Variants in HSF1 observed in about 807,000 individuals in gnomAD.
HSF1 encodes heat shock transcription factor 1.
A neutral mutation model predicts 51.7 loss-of-function variants in HSF1; 32 were observed. That is an observed-to-expected ratio of 0.62 (90% confidence interval 0.47 to 0.83). The LOEUF (loss-of-function observed/expected upper bound fraction) is 0.83. Ranked by LOEUF, HSF1 falls within the 40% of genes least tolerant of loss-of-function variation. The pLI, the probability that HSF1 is intolerant of heterozygous loss-of-function variation, is 0.00. For synonymous variants in HSF1, 396 were observed against 309.7 expected, an observed-to-expected ratio of 1.28 and a Z score of -2.92; for missense variants, 727 against 717.0, an observed-to-expected ratio of 1.01 and a Z score of -0.16.
At position 144,291,850 on chromosome 8, in the gene HSF1, C is replaced by T. The variant is rs782261121; in HGVS notation, c.93C>T (p.Thr31=). ...KLWTLVSDPD[T]DALICWSPSG... ...GGACCCTCGTGAGCGACCCGGACACCGACGCGCTCATCTGCTGGAGCCCGG... is the reference window on the plus strand; with the variant it reads ...GGACCCTCGTGAGCGACCCGGACACTGACGCGCTCATCTGCTGGAGCCCGG... Residue 31 remains threonine (T), a synonymous_variant, in exon 1 of 13, where the codon ACC becomes ACT. Transcript: ENST00000528838. The surrounding 1 kb of genome is among the most constrained non-coding windows in gnomAD (Gnocchi z 4.1). The T allele has an allele frequency of 2.6e-6, 4 of 1,545,652 alleles. No individual in the cohort carries two copies. In the South Asian group the frequency reaches 4.7e-5, roughly 18 times the overall value.
In HSF1 at chr8:144,313,584, G is replaced by A. The variant is rs372062206; in HGVS notation, c.1216G>A (p.Gly406Ser). 1.7e-5 allele frequency: 28 copies of A among 1,610,318 alleles called. No individual in the cohort carries two copies. Among genetic ancestry groups the A allele is most frequent in the African/African-American group, 9.4e-5 (7 of 74,734 alleles). ...DNLQTMLSSH[G>S]FSVDTSALLD... ...CCTGCAGACCATGCTGAGCAGCCAC[G>A]GCTTCAGCGTGGACACCAGTGCCCT... The change falls in exon 10 of 13, where the codon GGC (glycine) becomes AGC (serine). Residue 406 changes from glycine to serine, a missense_variant. Physicochemically the swap from Gly to Ser is moderately conservative, Grantham distance 56. This residue lies in a region of HSF1 where 470 missense variants were observed against 398.8 expected (regional missense o/e 1.18). Coordinates refer to ENST00000528838, the MANE Select transcript of HSF1 (RefSeq NM_005526.4).
In HSF1 at chr8:144,311,177, G is replaced by A. The variant is rs782615937; in HGVS notation, c.492G>A (p.Glu164=). ...GACCCAGCCTGGTCTGTTGCAGTGA[G>A]AATGAGGCTCTGTGGCGGGAGGTGG... The part of the protein sequence containing the change: ...MDSKLLAMKH[E]NEALWREVAS... Residue 164 remains glutamate, a synonymous_variant, in exon 5 of 13, where the codon GAG becomes GAA. Transcript: ENST00000528838. 5.0e-6 allele frequency: 8 copies of A among 1,601,746 alleles called. No homozygotes were observed. Among genetic ancestry groups the A allele is most frequent in the Non-Finnish European group, 6.8e-6 (8 of 1,174,674 alleles).
At chr8:144,312,382 G>T (rs975368741) in intron 9 of HSF1, 138 bp downstream of exon 9, 2 of 737,230 alleles carry the variant, frequency 2.7e-6, no homozygotes, top group Non-Finnish European at 4.4e-6. Flanking sequence ...CTCGGGGCTG[G>T]GGAGGGAGAC....
At chr8:144,294,711 A>C (rs1363494783) in intron 1 of HSF1, among the ~76,000 whole-genome samples, 3 of 152,162 alleles carry the variant, frequency 2.0e-5, no homozygotes, top group Non-Finnish European at 4.4e-5. Flanking sequence ...AGGAGACCCC[A>C]TTGGTGGGGA....
Position 144,314,212 on chromosome 8 carries a change from T to C in HSF1, c.1472T>C (p.Leu491Pro). ...VDTGSNDLPV[L>P]FELGEGSYFS... Reference sequence around the variant, plus strand: ...ACCGGGAGCAACGACCTGCCGGTGCTGTTTGAGCTGGGAGAGGGCTCCTAC... The same window carrying C: ...ACCGGGAGCAACGACCTGCCGGTGCCGTTTGAGCTGGGAGAGGGCTCCTAC... The change falls in exon 13 of 13, where the codon CTG becomes CCG. Residue 491 changes from leucine (L) to proline (P), a missense_variant. Leu to Pro is a moderately conservative substitution (Grantham distance 98). Around this residue, in one of 2 missense-constraint regions of HSF1, gnomAD observed 470 missense variants for 398.8 expected, o/e 1.18. Transcript: ENST00000528838. The C allele has an allele frequency of 1.9e-6, 3 of 1,549,962 alleles. No individual in the cohort carries two copies. Among genetic ancestry groups the C allele is most frequent in the Non-Finnish European group, 2.6e-6 (3 of 1,146,876 alleles).
chr8:144,296,702 G>A (rs1443884545), intron 1 of HSF1, among the ~76,000 whole-genome samples: 3 of 151,984 alleles, frequency 2.0e-5, no homozygotes, highest in African/African-American at 7.3e-5. Flanking sequence ...AGCTACTTGC[G>A]AGGCTGAGGC....
At chr8:144,313,713 C>A in intron 10 of HSF1, 97 bp downstream of exon 10, 1 of 96,338 alleles carries the variant, frequency 1.0e-5, no homozygotes, top group Non-Finnish European at 1.7e-5. Context: ...CGCCGCCGCC[C>A]CGCCTCCCCG....
At chr8:144,312,832 G>T (rs536431018) in intron 9 of HSF1, 1 of 866,044 alleles carries the variant, frequency 1.2e-6, no homozygotes, top group Non-Finnish European at 1.8e-6. Flanking sequence ...GGCAGCAGCC[G>T]AGACCCCTCT....
In HSF1 at chr8:144,309,840, G is replaced by A; in HGVS notation, c.432G>A (p.Val144=). The change falls in exon 4 of 13, where the codon GTG becomes GTA. Residue 144 remains valine, a synonymous_variant. Coordinates refer to ENST00000528838, the MANE Select transcript of HSF1 (RefSeq NM_005526.4). ...QDSVTKLLTD[V]QLMKGKQECM... is the part of the protein sequence containing the mutation. ...GCGTCACCAAGCTGCTGACGGACGT[G>A]CAGCTGATGAAGGGGAAGCAGGAGT... 6.2e-7 allele frequency: 1 copy of A among 1,613,970 alleles called. No individual in the cohort carries two copies. Among genetic ancestry groups the A allele is most frequent in the South Asian group, 1.1e-5 (1 of 91,082 alleles).
At chr8:144,298,618 AAAG>A (rs1410857879) in intron 1 of HSF1, among the ~76,000 whole-genome samples, 8 of 151,982 alleles carry the variant, frequency 5.3e-5, no homozygotes, top group African/African-American at 1.7e-4. Flanking sequence ...AAAAGAAAGA[AAAG>A]AAAAAACCGG....
chr8:144,299,873 C>G (rs996279564), intron 1 of HSF1, among the ~76,000 whole-genome samples: 1 of 152,292 alleles, frequency 6.6e-6, no homozygotes, highest in African/African-American at 2.4e-5. Flanking sequence ...CGTGCCACTG[C>G]ACTCCAGCCT....
intron 1 of HSF1, among the ~76,000 whole-genome samples, chr8:144,302,462 G>A (rs1347268591): frequency 3.3e-5 from 5 of 151,560 alleles, no homozygotes; most frequent in East Asian, 1.9e-4. Flanking sequence ...AGCTGAGATC[G>A]CGCCATTGCA....
At chr8:144,304,382 C>T (rs1733423219) in intron 1 of HSF1, among the ~76,000 whole-genome samples, 1 of 152,234 alleles carries the variant, frequency 6.6e-6, no homozygotes, top group Non-Finnish European at 1.5e-5. Flanking sequence ...CCATGAAGTT[C>T]CTCACATTGC....
rs185383146 is a variant in HSF1, at chr8:144,302,358, T to C, written c.118-6548T>C. ...CCCGTCTCTACTGAAAATACAAAAA[T>C]TAGCTGGGCGTGATGGCAGGTGCCT... On this transcript the variant is annotated intron_variant, in intron 1 of 12. Coordinates refer to ENST00000528838, the MANE Select transcript of HSF1 (RefSeq NM_005526.4). Among the ~76,000 whole-genome samples the C allele has an allele frequency of 1.8e-3, 226 of 125,138 alleles. 3 individuals are homozygous for C. The East Asian group carries it at 0.033, about 18-fold the overall frequency. The allele number at this position is 125,138 out of a possible 152,430, so 82.1% of individuals were successfully genotyped here.
In HSF1 at chr8:144,312,145, T is replaced by TCACGGACGCCAGGGGCCA. The variant is rs782267427; in HGVS notation, c.1051_1068dup (p.Ala351_Asp356dup). ...CCTGCCCCCGCCTCCGTCACAGCCC[T>TCACGGACGCCAGGGGCCA]CACGGACGCCAGGGGCCACACGGAC... On this transcript the variant is annotated inframe_insertion, in exon 9 of 13. Transcript: ENST00000528838. 275 of 1,611,382 alleles carry TCACGGACGCCAGGGGCCA rather than the reference T, an allele frequency of 1.7e-4. 1 individual carries two copies. Among genetic ancestry groups the TCACGGACGCCAGGGGCCA allele is most frequent in the Non-Finnish European group, 2.2e-4 (254 of 1,179,600 alleles).
intron 9 of HSF1, chr8:144,313,145 A>C (rs944267226): frequency 2.6e-6 from 1 of 384,530 alleles, no homozygotes; most frequent in Admixed American, 4.0e-5. Context: ...AGCCACCCAC[A>C]CACTGAGCAG....
intron 1 of HSF1, among the ~76,000 whole-genome samples, chr8:144,295,948 C>T (rs1333027238): frequency 6.6e-6 from 1 of 152,198 alleles, no homozygotes; most frequent in African/African-American, 2.4e-5. Context: ...GGATGCTTCT[C>T]TGTCTTCACC....
At chr8:144,306,826 C>T (rs534402254) in intron 1 of HSF1, among the ~76,000 whole-genome samples, 20 of 152,330 alleles carry the variant, frequency 1.3e-4, no homozygotes, top group South Asian at 4.1e-4. Flanking sequence ...TGGCCACTGC[C>T]GTCTCTGTTC....
intron 1 of HSF1, among the ~76,000 whole-genome samples, chr8:144,299,870 C>A (rs1040619574): frequency 6.6e-6 from 1 of 152,176 alleles, no homozygotes; most frequent in Non-Finnish European, 1.5e-5. Context: ...GATCGTGCCA[C>A]TGCACTCCAG....
Sources: allele counts gnomAD v4.1 joint callset (sites outside exome capture counted in the v4.1 genomes callset), GRCh38; gene constraint gnomAD v4.1.1; regional missense constraint gnomAD v4.1.1; non-coding constraint Gnocchi (gnomAD v3.1); transcripts MANE v1.5; gene names NCBI Gene and HGNC (gene_info 2026-07-23, HGNC 2026-07-21).